NKAIN2: variants seen among roughly 807,000 people sequenced by gnomAD.
NKAIN2 encodes sodium/potassium-transporting ATPase subunit beta-1-interacting protein 2.
Under a neutral mutation model 32.6 loss-of-function variants are expected in NKAIN2, and 14 were observed. The ratio of observed to expected loss-of-function variants is 0.43; its 90% CI spans 0.28 to 0.67. The LOEUF is 0.67. Ranked by LOEUF, NKAIN2 falls within the 30% of genes least tolerant of loss-of-function variation. The pLI, the probability that NKAIN2 is intolerant of heterozygous loss-of-function variation, is 0.17. For missense variants in NKAIN2, 198 were observed against 258.3 expected (o/e 0.77, Z 1.60); for synonymous variants, 80 against 87.2 (o/e 0.92, Z 0.46).
chr6:124,498,424 G>A (rs934581515), intron 3 of NKAIN2, among the ~76,000 whole-genome samples: 5 of 152,276 alleles, frequency 3.3e-5, no homozygotes, highest in Middle Eastern at 3.4e-3. Flanking sequence ...AAATTGAGGT[G>A]CAGAACTCGG....
intron 1 of NKAIN2, among the ~76,000 whole-genome samples, chr6:123,936,119 C>T (rs929445341): frequency 6.6e-6 from 1 of 152,128 alleles, no homozygotes; most frequent in Non-Finnish European, 1.5e-5. Context: ...TTCTGAAAAG[C>T]TCAATACAGT....
At position 123,804,126 on chromosome 6, in the gene NKAIN2, A is replaced by G. The variant is rs1773113443; in HGVS notation, c.-75A>G. 2 of 1,377,038 alleles carry G rather than the reference A, an allele frequency of 1.5e-6. No homozygotes were observed. Among genetic ancestry groups the G allele is most frequent in the African/African-American group, 2.8e-5 (2 of 70,186 alleles). The allele number at this position is 1,377,038 out of a possible 1,614,324, so 85.3% of individuals were successfully genotyped here. A position where few individuals can be genotyped will look rare whatever the true frequency, so the allele number is the denominator to read the frequency against. On this transcript the variant is annotated 5_prime_UTR_variant, in exon 1 of 7. Coordinates refer to ENST00000368417, the MANE Select transcript of NKAIN2 (RefSeq NM_001040214.3). ...GCAGGTTTGCGTGTCCTTCCCCGCG[A>G]TCTGATTGGATAAAGTGGGGGCTCG... is the stretch of plus-strand genomic sequence containing the variant.
Position 124,369,726 on chromosome 6 carries a change from C to T in NKAIN2, c.273+14379C>T, listed in dbSNP as rs954230820. On this transcript the variant is annotated intron_variant, in intron 3 of 6. Transcript: ENST00000368417. ...CCAATTCCTCATACCACCCCAGCCC[C>T]TGGTGTGCTTTTGGTCTTTGATAAG... Among the ~76,000 whole-genome samples, 4 of 152,066 alleles carry T rather than the reference C, an allele frequency of 2.6e-5. No individual in the cohort carries two copies. In the East Asian group the frequency reaches 7.8e-4, roughly 29 times the overall value.
At chr6:124,043,028 A>G (rs1487197369) in intron 1 of NKAIN2, among the ~76,000 whole-genome samples, 1 of 152,016 alleles carries the variant, frequency 6.6e-6, no homozygotes, top group African/African-American at 2.4e-5. Context: ...ATTTTAATAG[A>G]AAATATCTGT....
chr6:124,561,081 C>T (rs1287760360), intron 3 of NKAIN2, among the ~76,000 whole-genome samples: 1 of 99,172 alleles, frequency 1.0e-5, no homozygotes, highest in African/African-American at 3.2e-5. Flanking sequence ...TGATGTGAGT[C>T]ACTGTCTTGT....
intron 1 of NKAIN2, among the ~76,000 whole-genome samples, chr6:124,142,706 A>T (rs1787204810): frequency 6.6e-6 from 1 of 152,226 alleles, no homozygotes; most frequent in Admixed American, 6.5e-5. Context: ...AATTATGTCT[A>T]AATGAAGTAG....
At chr6:124,808,057 A>G (rs1301725055) in intron 5 of NKAIN2, among the ~76,000 whole-genome samples, 8 of 151,480 alleles carry the variant, frequency 5.3e-5, no homozygotes, top group African/African-American at 1.9e-4. Flanking sequence ...CCAGAGGTAC[A>G]AGGAGGAACT....
intron 1 of NKAIN2, among the ~76,000 whole-genome samples, chr6:123,881,940 A>G (rs1225790402): frequency 1.3e-5 from 2 of 152,114 alleles, no homozygotes; most frequent in African/African-American, 2.4e-5. Context: ...TTAAATTTCA[A>G]TATACCGTAT....
chr6:123,997,601 T>C (rs1315893994), intron 1 of NKAIN2, among the ~76,000 whole-genome samples: 1 of 72,448 alleles, frequency 1.4e-5, no homozygotes, highest in Non-Finnish European at 3.3e-5. Flanking sequence ...TTTATTCTTT[T>C]TTTTTTTTTT....
At chr6:124,001,363 G>A (rs765209451) in intron 1 of NKAIN2, among the ~76,000 whole-genome samples, 3 of 151,686 alleles carry the variant, frequency 2.0e-5, no homozygotes, top group Non-Finnish European at 4.4e-5. Context: ...TATGTGGGCT[G>A]GTAAGGACAA....
intron 1 of NKAIN2, among the ~76,000 whole-genome samples, chr6:124,029,093 G>A (rs1781290485): frequency 6.6e-6 from 1 of 150,970 alleles, no homozygotes; most frequent in African/African-American, 2.4e-5. Context: ...TTCTTTTTTA[G>A]ATAATTTGAA....
chr6:124,362,313 T>C (rs1307206984), intron 3 of NKAIN2, among the ~76,000 whole-genome samples: 1 of 152,134 alleles, frequency 6.6e-6, no homozygotes, highest in Non-Finnish European at 1.5e-5. Context: ...TTCGACCTAT[T>C]ATTAATAATT....
At chr6:124,253,640 C>A (rs1793787180) in intron 1 of NKAIN2, among the ~76,000 whole-genome samples, 1 of 151,990 alleles carries the variant, frequency 6.6e-6, no homozygotes. Context: ...CAAAAGTAAA[C>A]CCTCCCTAAA....
At chr6:124,527,531 G>T (rs148809883) in intron 3 of NKAIN2, among the ~76,000 whole-genome samples, 77 of 152,260 alleles carry the variant, frequency 5.1e-4, no homozygotes, top group African/African-American at 1.8e-3. Flanking sequence ...TCAAAGTGAT[G>T]AATTCTGCAT....
intron 4 of NKAIN2, among the ~76,000 whole-genome samples, chr6:124,715,588 A>G (rs758683165): frequency 8.5e-5 from 13 of 152,204 alleles, no homozygotes; most frequent in Non-Finnish European, 1.5e-4. Context: ...GCAGCCAGCA[A>G]TATCACCAGG....
intron 2 of NKAIN2, among the ~76,000 whole-genome samples, chr6:124,334,481 G>A (rs1269783270): frequency 1.3e-5 from 2 of 152,042 alleles, no homozygotes; most frequent in African/African-American, 4.8e-5. Flanking sequence ...TGGTGGGTAG[G>A]GGGCCAGGGA....
At chr6:124,611,906 A>G (rs1782704531) in intron 3 of NKAIN2, among the ~76,000 whole-genome samples, 1 of 152,162 alleles carries the variant, frequency 6.6e-6, no homozygotes, top group Non-Finnish European at 1.5e-5. Flanking sequence ...TGTCAGCACC[A>G]TTTAGAAGAC....
At chr6:124,212,163 T>C (rs184390675) in intron 1 of NKAIN2, among the ~76,000 whole-genome samples, 18 of 152,242 alleles carry the variant, frequency 1.2e-4, no homozygotes, top group African/African-American at 4.3e-4. Context: ...GTGACATTTG[T>C]AATAACTTGC....
intron 4 of NKAIN2, among the ~76,000 whole-genome samples, chr6:124,747,638 G>A (rs974542840): frequency 6.6e-6 from 1 of 151,750 alleles, no homozygotes; most frequent in African/African-American, 2.4e-5. Flanking sequence ...TGCTTAAACA[G>A]TTATGAATTA....
Sources: gnomAD v4.1 joint callset for allele counts (sites outside exome capture counted in the v4.1 genomes callset) on GRCh38, gnomAD v4.1.1 for gene constraint, MANE v1.5 for transcripts, NCBI Gene and HGNC (gene_info 2026-07-23, HGNC 2026-07-21) for gene names.